The following SPIDR variants were observed in gnomAD, a reference collection of about 807,000 sequenced individuals.
SPIDR encodes DNA repair-scaffolding protein.
A neutral mutation model predicts 104.6 loss-of-function variants in SPIDR; 93 were observed. That is an observed-to-expected ratio of 0.89 (90% CI 0.75 to 1.06). The LOEUF is 1.06. Ranked by LOEUF, SPIDR falls within the 50% of genes least tolerant of loss-of-function variation. The probability of loss-of-function intolerance (pLI) is 0.00; values close to 1 mark genes in which losing one functional copy is unlikely to be tolerated. For synonymous variants in SPIDR, 431 were observed against 416.9 expected (o/e 1.03, Z -0.41); for missense variants, 1,154 against 1,111.2 (o/e 1.04, Z -0.55).
intron 8 of SPIDR, among the ~76,000 whole-genome samples, chr8:47,496,004 C>T (rs1353823020): frequency 6.6e-6 from 1 of 151,986 alleles, no homozygotes; most frequent in Non-Finnish European, 1.5e-5. Context: ...TATAGAAATA[C>T]AATTTAAATT....
intron 8 of SPIDR, among the ~76,000 whole-genome samples, chr8:47,589,022 G>GTTTTTTTTTTTTTTTT (rs1168001066): frequency 1.0e-4 from 9 of 89,050 alleles, no homozygotes; most frequent in East Asian, 3.4e-4. Flanking sequence ...TTTATAGTTT[G>GTTTTTTTTTTTTTTTT]TTTTTTTTTT....
intron 8 of SPIDR, among the ~76,000 whole-genome samples, chr8:47,582,847 C>T (rs1038059589): frequency 6.0e-5 from 9 of 149,412 alleles, no homozygotes; most frequent in African/African-American, 2.2e-4. Context: ...CACACACACA[C>T]ACACACACAC....
chr8:47,468,834 A>C (rs2075277226), intron 8 of SPIDR, among the ~76,000 whole-genome samples: 1 of 152,238 alleles, frequency 6.6e-6, no homozygotes, highest in South Asian at 2.1e-4. Context: ...AAAAATTGAC[A>C]TATGGGATCT....
chr8:47,401,341 A>G (rs915079241), intron 6 of SPIDR, among the ~76,000 whole-genome samples: 3 of 152,228 alleles, frequency 2.0e-5, no homozygotes, highest in Non-Finnish European at 4.4e-5. Context: ...AGCACTAAAC[A>G]TGGAAAGGAG....
chr8:47,284,651 T>C (rs888138023), intron 3 of SPIDR, among the ~76,000 whole-genome samples: 2 of 152,312 alleles, frequency 1.3e-5, no homozygotes, highest in South Asian at 2.1e-4. Flanking sequence ...TTGGTTCTCA[T>C]GGTCAGGAGG....
chr8:47,313,611 C>A (rs1202796823), intron 5 of SPIDR, among the ~76,000 whole-genome samples: 1 of 152,182 alleles, frequency 6.6e-6, no homozygotes, highest in Admixed American at 6.5e-5. Context: ...CCGAGTCAAT[C>A]CTAAGCCAAA....
chr8:47,294,103 T>TTG, intron 5 of SPIDR, 73 bp downstream of exon 5: 1 of 1,503,278 alleles, frequency 6.7e-7, no homozygotes, highest in South Asian at 1.3e-5. Context: ...TTTTTTTTTT[T>TTG]GTTTTTTTTT....
intron 5 of SPIDR, among the ~76,000 whole-genome samples, chr8:47,366,509 G>A (rs1554634640): frequency 6.6e-6 from 1 of 152,208 alleles, no homozygotes; most frequent in Non-Finnish European, 1.5e-5. Flanking sequence ...TAATGATTCT[G>A]CTCTAGGTAC....
In SPIDR at chr8:47,280,010, GGAATC is replaced by G; in HGVS notation, c.183_187del (p.Asn62ValfsTer5). 1 of 1,613,436 alleles carries G rather than the reference GGAATC, an allele frequency of 6.2e-7. No homozygotes were observed. Among genetic ancestry groups the G allele is most frequent in the South Asian group, 1.1e-5 (1 of 91,006 alleles). ...GGAGAAGGGTTTCAGAACACTTCTG[GGAATC>G]CGGTAAAGTATCTGTAGAATTGTTT... On this transcript the variant is annotated frameshift_variant and splice_region_variant, in exon 2 of 20. Transcript: ENST00000297423. LOFTEE classifies it high-confidence loss of function.
At chr8:47,574,971 AT>A (rs201653735) in intron 8 of SPIDR, among the ~76,000 whole-genome samples, 37 of 151,616 alleles carry the variant, frequency 2.4e-4, no homozygotes, top group East Asian at 9.7e-4. Flanking sequence ...ATGTTTCTTG[AT>A]TTTTTTTTAA....
chr8:47,362,977 C>T lies in SPIDR; in HGVS notation c.526-33399C>T, dbSNP rs564421279. Among the ~76,000 whole-genome samples the T allele has an allele frequency of 2.8e-3, 421 of 151,644 alleles. 1 individual carries two copies. The highest frequency in any genetic ancestry group is 9.8e-3 in the African/African-American group (406 of 41,356). ...CAGTGTTCTTTTTTCTGGCCAACATCGCCCATTAGACAACATACCTGTTCT... is the reference window on the plus strand; with the variant it reads ...CAGTGTTCTTTTTTCTGGCCAACATTGCCCATTAGACAACATACCTGTTCT... On this transcript the variant is annotated intron_variant, in intron 5 of 19. Coordinates refer to ENST00000297423, the MANE Select transcript of SPIDR (RefSeq NM_001080394.4).
rs574465687 is a variant in SPIDR at position 47,657,080 on chromosome 8, T to C, written c.1545-16721T>C. ...ATAAAAATATCCTGGAATTAGATAG[T>C]GCTGATGGTTGCAGAACATTGTGAA... On this transcript the variant is annotated intron_variant, in intron 10 of 19. Transcript: ENST00000297423. Among the ~76,000 whole-genome samples the C allele has an allele frequency of 2.0e-5, 3 of 152,290 alleles. No individual in the cohort carries two copies. The South Asian group carries it at 6.2e-4, about 32-fold the overall frequency.
intron 8 of SPIDR, among the ~76,000 whole-genome samples, chr8:47,589,967 A>G: frequency 6.6e-6 from 1 of 152,078 alleles, no homozygotes; most frequent in Non-Finnish European, 1.5e-5. Context: ...CAGGAGTTTG[A>G]GACCATCCTG....
Position 47,491,422 on chromosome 8 carries a change from A to T in SPIDR, c.1097+50880A>T, listed in dbSNP as rs545793103. On this transcript the variant is annotated intron_variant, in intron 8 of 19. Transcript: ENST00000297423. Reference sequence around the variant, plus strand: ...ACGGCCATGATATCTGCAGTTTATTATCTGTGGTTCAGCAATATAATAATA... The same window carrying T: ...ACGGCCATGATATCTGCAGTTTATTTTCTGTGGTTCAGCAATATAATAATA... 2.2e-4 allele frequency among the ~76,000 whole-genome samples: 34 copies of T among 152,196 alleles called. No homozygotes were observed. In the South Asian group the frequency reaches 6.2e-3, roughly 28 times the overall value.
intron 8 of SPIDR, among the ~76,000 whole-genome samples, chr8:47,486,555 C>A (rs1407541754): frequency 6.6e-6 from 1 of 152,168 alleles, no homozygotes; most frequent in African/African-American, 2.4e-5. Context: ...TTGTCACATT[C>A]ACCAAGGTTG....
chr8:47,602,241 A>G (rs556277280), intron 10 of SPIDR, among the ~76,000 whole-genome samples: 134 of 152,340 alleles, frequency 8.8e-4, no homozygotes, highest in Middle Eastern at 3.4e-3. Flanking sequence ...AGGATGGACA[A>G]AGTTGGGCTC....
At chr8:47,724,790 C>T (rs1480597981) in intron 16 of SPIDR, among the ~76,000 whole-genome samples, 2 of 152,240 alleles carry the variant, frequency 1.3e-5, no homozygotes, top group Non-Finnish European at 2.9e-5. Flanking sequence ...GAGACACTCA[C>T]TCCTTGCTGG....
chr8:47,430,274 T>C (rs1050095098), intron 7 of SPIDR, among the ~76,000 whole-genome samples: 9 of 152,240 alleles, frequency 5.9e-5, no homozygotes, highest in African/African-American at 2.2e-4. Context: ...CATGGGAAGA[T>C]GGCAGCAAGA....
chr8:47,703,758 G>A (rs1040354905), intron 14 of SPIDR, among the ~76,000 whole-genome samples: 4 of 152,180 alleles, frequency 2.6e-5, no homozygotes, highest in Non-Finnish European at 5.9e-5. Flanking sequence ...GTTTGCTGAC[G>A]TTCTTCAGGT....
Sources: gnomAD v4.1 joint callset for allele counts (sites outside exome capture counted in the v4.1 genomes callset) on GRCh38, gnomAD v4.1.1 for gene constraint, MANE v1.5 for transcripts, NCBI Gene and HGNC (gene_info 2026-07-23, HGNC 2026-07-21) for gene names.